DLG1: variants seen among roughly 807,000 people sequenced by gnomAD.
The protein encoded by DLG1 is discs large MAGUK scaffold protein 1.
A neutral mutation model predicts 123.4 loss-of-function variants in DLG1; 42 were observed. The observed-to-expected ratio is 0.34, with a 90% CI of 0.27 to 0.44. The LOEUF (loss-of-function observed/expected upper bound fraction) is 0.44, where lower values mean the gene tolerates loss of function less well. DLG1 is among the 20% of genes least tolerant of loss of function. The pLI is 1.00. For missense variants in DLG1, 942 were observed against 1,082.6 expected, an observed-to-expected ratio of 0.87 and a Z score of 1.82; for synonymous variants, 317 against 356.2, an observed-to-expected ratio of 0.89 and a Z score of 1.24.
chr3:197,171,288 C>T lies in DLG1; in HGVS notation c.484-21492G>A, dbSNP rs1199277479. Reference sequence around the variant, plus strand: ...GGGGGCCCAGTACCTTCAGAAAAAGCTGATTTTTATGGTTTAAATCTGTTT... The same window carrying T: ...GGGGGCCCAGTACCTTCAGAAAAAGTTGATTTTTATGGTTTAAATCTGTTT... On this transcript the variant is annotated intron_variant, in intron 5 of 24. Transcript: ENST00000667157. Among the ~76,000 whole-genome samples the T allele has an allele frequency of 2.0e-5, 3 of 152,140 alleles. No individual in the cohort carries two copies. The East Asian group carries it at 5.8e-4, about 29-fold the overall frequency.
chr3:197,158,382 G>C (rs1013186151), intron 5 of DLG1, among the ~76,000 whole-genome samples: 4 of 151,326 alleles, frequency 2.6e-5, no homozygotes, highest in African/African-American at 9.7e-5. Flanking sequence ...CAGCACTTTG[G>C]GAGGCCGAGG....
At chr3:197,292,474 T>C (rs1384535122) in intron 3 of DLG1, among the ~76,000 whole-genome samples, 2 of 152,206 alleles carry the variant, frequency 1.3e-5, no homozygotes, top group Admixed American at 6.5e-5. Flanking sequence ...GGAGCAGTTG[T>C]TTATTCGGTA....
chr3:197,282,824 A>G lies in DLG1; in HGVS notation c.173T>C (p.Val58Ala). 1 of 1,572,838 alleles carries G rather than the reference A, an allele frequency of 6.4e-7. No individual in the cohort carries two copies. Among genetic ancestry groups the G allele is most frequent in the Non-Finnish European group, 8.6e-7 (1 of 1,159,894 alleles). The change falls in exon 4 of 25, where the codon GTG becomes GCG. Residue 58 changes from valine (V) to alanine (A), a missense_variant. Val to Ala is a moderately conservative substitution (Grantham distance 64). Transcript: ENST00000667157. ...ALIDIQEFYEVTLLDNPKCID... is the reference protein window; with the variant it reads ...ALIDIQEFYEATLLDNPKCID... The stretch of plus-strand genomic sequence containing the variant: ...ACATTTTGGATTATCCAGTAAGGTC[A>G]CTTCATAAAATTCTTGAATATCTAG...
At chr3:197,198,883 T>G (rs936822493) in intron 4 of DLG1, among the ~76,000 whole-genome samples, 3 of 152,170 alleles carry the variant, frequency 2.0e-5, no homozygotes, top group Admixed American at 6.5e-5. Context: ...AAAGGTTACA[T>G]GAAGTATCTT....
intron 5 of DLG1, among the ~76,000 whole-genome samples, chr3:197,172,604 T>C (rs1804793249): frequency 6.6e-6 from 1 of 152,154 alleles, no homozygotes; most frequent in Admixed American, 6.5e-5. Flanking sequence ...CACTCTAAAA[T>C]GACTTGGGCA....
chr3:197,169,552 A>G (rs554754997), intron 5 of DLG1, among the ~76,000 whole-genome samples: 1 of 152,240 alleles, frequency 6.6e-6, no homozygotes, highest in Non-Finnish European at 1.5e-5. Context: ...CAGGTATAAA[A>G]GAGTTGCAAG....
chr3:197,188,341 T>A (rs114186297), intron 5 of DLG1, among the ~76,000 whole-genome samples: 1 of 152,168 alleles, frequency 6.6e-6, no homozygotes, highest in African/African-American at 2.4e-5. Context: ...ACTCCAAGAA[T>A]TTAATTTCTC....
intron 5 of DLG1, among the ~76,000 whole-genome samples, chr3:197,173,993 G>C (rs952861803): frequency 2.6e-5 from 4 of 152,182 alleles, no homozygotes; most frequent in Non-Finnish European, 5.9e-5. Context: ...TGGGGCATAA[G>C]AATCACTTGA....
intron 23 of DLG1, among the ~76,000 whole-genome samples, chr3:197,053,417 A>AT (rs996303024): frequency 2.9e-4 from 43 of 147,290 alleles, no homozygotes; most frequent in East Asian, 2.4e-3. Flanking sequence ...TGACAGTTAA[A>AT]TTTTTTTTTT....
chr3:197,161,521 G>A (rs1490070763), intron 5 of DLG1: 6 of 557,618 alleles, frequency 1.1e-5, no homozygotes, highest in African/African-American at 2.0e-5. Flanking sequence ...ACTACTAACT[G>A]AAGCCCAAAG....
Position 197,140,277 on chromosome 3 carries a change from G to T in DLG1, c.589-13C>A, listed in dbSNP as rs753125124. On this transcript the variant is annotated splice_polypyrimidine_tract_variant and intron_variant, in intron 7 of 24. Coordinates refer to ENST00000667157, the MANE Select transcript of DLG1 (RefSeq NM_001366207.1). ...GCCCTGAATTTCCCTGAGGATAGAA[G>T]AAAAAAAATTGAGACTGAATATGAT... The T allele has an allele frequency of 8.1e-6, 13 of 1,603,408 alleles. No homozygotes were observed. In the Admixed American group the frequency reaches 2.3e-4, roughly 28 times the overall value.
At chr3:197,145,039 GCT>G (rs35261692) in intron 6 of DLG1, among the ~76,000 whole-genome samples, 80 of 146,124 alleles carry the variant, frequency 5.5e-4, no homozygotes, top group African/African-American at 7.5e-4. Flanking sequence ...TCGCTTGCTT[GCT>G]CTCTCTCTCT....
intron 24 of DLG1, among the ~76,000 whole-genome samples, chr3:197,044,934 G>A (rs1013679724): frequency 2.0e-5 from 3 of 151,946 alleles, no homozygotes; most frequent in African/African-American, 7.3e-5. Context: ...TCTTAAAAAT[G>A]GATCAAAAAG....
At chr3:197,176,856 A>C (rs1180817520) in intron 5 of DLG1, among the ~76,000 whole-genome samples, 1 of 152,136 alleles carries the variant, frequency 6.6e-6, no homozygotes, top group Non-Finnish European at 1.5e-5. Flanking sequence ...TCAATTTTGT[A>C]ATTTAAAAAA....
intron 24 of DLG1, among the ~76,000 whole-genome samples, chr3:197,050,333 C>G (rs1247121875): frequency 4.6e-5 from 7 of 151,670 alleles, no homozygotes; most frequent in Non-Finnish European, 4.4e-5. Flanking sequence ...CGCCACTGCA[C>G]TCCAGCCTGG....
chr3:197,124,634 G>C (rs528738714), intron 11 of DLG1, among the ~76,000 whole-genome samples: 181 of 152,128 alleles, frequency 1.2e-3, no homozygotes, highest in African/African-American at 4.1e-3. Flanking sequence ...GCCAGACACA[G>C]GTGCAATAAT....
intron 4 of DLG1, among the ~76,000 whole-genome samples, chr3:197,231,472 G>C (rs1206733744): frequency 6.6e-6 from 1 of 152,074 alleles, no homozygotes; most frequent in African/African-American, 2.4e-5. Flanking sequence ...GAGGCCGAGC[G>C]GGCGGGTCGC....
intron 12 of DLG1, among the ~76,000 whole-genome samples, chr3:197,118,098 G>T (rs1371705873): frequency 6.6e-6 from 1 of 152,200 alleles, no homozygotes; most frequent in South Asian, 2.1e-4. Context: ...TATCAAAAGG[G>T]AGTGGTTCAT....
In DLG1 at chr3:197,207,036, C is replaced by G. The variant is rs73086582; in HGVS notation, c.319-12447G>C. Among the ~76,000 whole-genome samples, 1,494 of 152,334 alleles carry G rather than the reference C, an allele frequency of 9.8e-3. 22 individuals carry two copies. The highest frequency in any genetic ancestry group is 0.033 in the African/African-American group (1,390 of 41,574). ...GTAGTGGAACACAGCCACACTCATTCTCATTTCCATGTATGATGTATGGCT... is the reference window on the plus strand; with the variant it reads ...GTAGTGGAACACAGCCACACTCATTGTCATTTCCATGTATGATGTATGGCT... On this transcript the variant is annotated intron_variant, in intron 4 of 24. Coordinates refer to ENST00000667157, the MANE Select transcript of DLG1 (RefSeq NM_001366207.1).
Sources: gnomAD v4.1 joint callset for allele counts (sites outside exome capture counted in the v4.1 genomes callset) on GRCh38, gnomAD v4.1.1 for gene constraint, MANE v1.5 for transcripts, NCBI Gene and HGNC (gene_info 2026-07-23, HGNC 2026-07-21) for gene names.